Variants in ARL13B observed in about 807,000 individuals in gnomAD.
ARL13B encodes the protein ARF like GTPase 13B.
In ARL13B, 36 loss-of-function variants were observed where a neutral mutation model predicts 56.1. The ratio of observed to expected loss-of-function variants is 0.64; its 90% CI spans 0.49 to 0.85. The LOEUF is 0.85. ARL13B is among the 40% of genes least tolerant of loss of function. ARL13B has a pLI of 0.00. For missense variants in ARL13B, 519 were observed against 507.1 expected (o/e 1.02, Z -0.23); for synonymous variants, 178 against 171.1 (o/e 1.04, Z -0.32).
chr3:94,017,809 C>T (rs116453438), intron 3 of ARL13B, among the ~76,000 whole-genome samples: 1,525 of 151,970 alleles, frequency 0.01, 32 homozygotes, highest in African/African-American at 0.034. Context: ...AGTTGGGTTG[C>T]CAAGGCAGTG....
At chr3:94,050,245 A>G (rs2107195642) in intron 8 of ARL13B, among the ~76,000 whole-genome samples, 1 of 152,166 alleles carries the variant, frequency 6.6e-6, no homozygotes, top group East Asian at 1.9e-4. Context: ...ATTTTTTCTA[A>G]TACATTTTCA....
chr3:94,012,333 T>C (rs1486970225), intron 3 of ARL13B, among the ~76,000 whole-genome samples: 2 of 152,182 alleles, frequency 1.3e-5, no homozygotes, highest in African/African-American at 2.4e-5. Flanking sequence ...TGGACCAAGA[T>C]AGCATCTTTG....
chr3:93,982,020 C>G (rs749295387), intron 1 of ARL13B, among the ~76,000 whole-genome samples: 7 of 152,088 alleles, frequency 4.6e-5, no homozygotes, highest in Non-Finnish European at 8.8e-5. Context: ...CATTTTCCTC[C>G]GTGTCTGCTT....
chr3:94,018,384 A>G (rs2076376978), intron 3 of ARL13B, among the ~76,000 whole-genome samples: 1 of 152,110 alleles, frequency 6.6e-6, no homozygotes, highest in South Asian at 2.1e-4. Context: ...ACTTAACACA[A>G]TCATTTCTTG....
At chr3:94,014,031 A>G (rs1007846729) in intron 3 of ARL13B, among the ~76,000 whole-genome samples, 2 of 152,332 alleles carry the variant, frequency 1.3e-5, no homozygotes, top group African/African-American at 4.8e-5. Flanking sequence ...TTCTCCAGTC[A>G]GCCAAATGGA....
chr3:94,043,067 G>C lies in ARL13B; in HGVS notation c.851G>C (p.Ser284Thr). The C allele has an allele frequency of 6.2e-7, 1 of 1,613,260 alleles. No homozygotes were observed. The highest frequency in any genetic ancestry group is 8.5e-7 in the Non-Finnish European group (1 of 1,179,850). ...AAAAACCAAAAAATGGAGAAAGACA[G>C]TGATGGCTGCCACCTGAAACATAAA... ...EKKNQKMEKDSDGCHLKHKME... is the reference protein window; with the variant it reads ...EKKNQKMEKDTDGCHLKHKME... Residue 284 changes from serine (S) to threonine (T), a missense_variant, in exon 7 of 10, where the codon AGT (serine) becomes ACT (threonine). Coordinates refer to ENST00000394222, the MANE Select transcript of ARL13B (RefSeq NM_001174150.2).
At chr3:94,035,607 A>G (rs2076754749) in intron 4 of ARL13B, among the ~76,000 whole-genome samples, 171 bp downstream of exon 4, 2 of 152,188 alleles carry the variant, frequency 1.3e-5, no homozygotes, top group Non-Finnish European at 2.9e-5. Context: ...TAATACCATA[A>G]TATTTGTTGT....
chr3:93,999,430 T>C (rs2076018603), intron 2 of ARL13B, among the ~76,000 whole-genome samples: 1 of 152,110 alleles, frequency 6.6e-6, no homozygotes, highest in Non-Finnish European at 1.5e-5. Flanking sequence ...CAATAGCTTT[T>C]TTTCCCTTTT....
At chr3:93,983,713 T>C (rs1012202577) in intron 1 of ARL13B, among the ~76,000 whole-genome samples, 1 of 152,174 alleles carries the variant, frequency 6.6e-6, no homozygotes, top group African/African-American at 2.4e-5. Context: ...TGCGCATTTT[T>C]GTTTCTCTCA....
intron 8 of ARL13B, among the ~76,000 whole-genome samples, chr3:94,050,269 T>C (rs2077048379): frequency 6.6e-6 from 1 of 152,076 alleles, no homozygotes; most frequent in South Asian, 2.1e-4. Context: ...TACATACCCA[T>C]GTCCTAAGTT....
chr3:93,980,892 AGTT>A (rs1022277055), intron 1 of ARL13B, among the ~76,000 whole-genome samples: 1 of 152,188 alleles, frequency 6.6e-6, no homozygotes, highest in Non-Finnish European at 1.5e-5. Flanking sequence ...ACCTCCACAC[AGTT>A]GTATTTGAGG....
intron 5 of ARL13B, among the ~76,000 whole-genome samples, chr3:94,038,998 A>C (rs1374665653): frequency 1.3e-5 from 2 of 152,184 alleles, no homozygotes; most frequent in African/African-American, 4.8e-5. Context: ...ATCTAGTTCA[A>C]ATATGATACA....
At chr3:94,038,128 T>C (rs1210116505) in intron 5 of ARL13B, among the ~76,000 whole-genome samples, 1 of 152,186 alleles carries the variant, frequency 6.6e-6, no homozygotes, top group Admixed American at 6.5e-5. Flanking sequence ...AATAATATAT[T>C]AATACTGTAT....
rs561378187 is a variant in ARL13B at position 93,983,650 on chromosome 3, G to T, written c.59+3168G>T. ...CTGCTTTCTGCTTTGAGTTTCTGGG[G>T]TTTTTTTTGTTTTGTTTTGTTTTTA... On this transcript the variant is annotated intron_variant, in intron 1 of 9. Coordinates refer to ENST00000394222, the MANE Select transcript of ARL13B (RefSeq NM_001174150.2). Among the ~76,000 whole-genome samples the T allele has an allele frequency of 9.8e-4, 149 of 151,628 alleles. 2 individuals are homozygous for T. Among genetic ancestry groups the T allele is most frequent in the African/African-American group, 3.2e-3 (134 of 41,314 alleles).
chr3:93,986,565 C>T (rs1383067559), intron 1 of ARL13B, among the ~76,000 whole-genome samples: 2 of 152,100 alleles, frequency 1.3e-5, no homozygotes, highest in African/African-American at 2.4e-5. Context: ...GAATTTGCTT[C>T]ATGTAGTTTT....
intron 2 of ARL13B, among the ~76,000 whole-genome samples, chr3:94,001,967 A>G (rs2076063033): frequency 1.3e-5 from 2 of 152,218 alleles, no homozygotes; most frequent in Admixed American, 6.5e-5. Flanking sequence ...TAATGAAAGT[A>G]TTAGCAAAAG....
intron 1 of ARL13B, among the ~76,000 whole-genome samples, chr3:93,980,683 G>GCTTA (rs765996637): frequency 3.3e-5 from 5 of 152,010 alleles, no homozygotes; most frequent in Non-Finnish European, 7.4e-5. Flanking sequence ...GATTGACAAT[G>GCTTA]CTTACCGTTG....
chr3:94,023,498 T>A (rs1032462471), intron 3 of ARL13B, among the ~76,000 whole-genome samples: 13 of 152,100 alleles, frequency 8.5e-5, no homozygotes, highest in Admixed American at 2.6e-4. Flanking sequence ...GCTTTTTTTT[T>A]AAATAATTTC....
chr3:94,038,922 T>C (rs748762669), intron 5 of ARL13B, among the ~76,000 whole-genome samples: 9 of 152,208 alleles, frequency 5.9e-5, no homozygotes, highest in Admixed American at 2.6e-4. Flanking sequence ...GAAATACTTA[T>C]TTAATCTGAA....
Sources: gnomAD v4.1 joint callset for allele counts (sites outside exome capture counted in the v4.1 genomes callset) on GRCh38, gnomAD v4.1.1 for gene constraint, MANE v1.5 for transcripts, NCBI Gene and HGNC (gene_info 2026-07-23, HGNC 2026-07-21) for gene names.